HNRNPH1: variants seen among roughly 807,000 people sequenced by gnomAD.
The protein encoded by HNRNPH1 is heterogeneous nuclear ribonucleoprotein H.
A neutral mutation model predicts 58.6 loss-of-function variants in HNRNPH1; 4 were observed. The observed-to-expected ratio is 0.07, with a 90% CI of 0.03 to 0.16. The LOEUF (loss-of-function observed/expected upper bound fraction) is 0.16, where lower values mean the gene tolerates loss of function less well. Ranked by LOEUF, HNRNPH1 falls within the 10% of genes least tolerant of loss-of-function variation. The probability of loss-of-function intolerance (pLI) is 1.00; values close to 1 mark genes in which losing one functional copy is unlikely to be tolerated. For synonymous variants in HNRNPH1, 192 were observed against 189.2 expected, an observed-to-expected ratio of 1.01 and a Z score of -0.12; for missense variants, 271 against 564.2, an observed-to-expected ratio of 0.48 and a Z score of 5.26.
chr5:179,633,290 CTGTT>C (rs71001019), intron 2 of HNRNPH1, among the ~76,000 whole-genome samples: 55,012 of 149,012 alleles, frequency 0.37, 11,203 homozygotes, highest in East Asian at 0.72. Context: ...CACGCCCGGC[CTGTT>C]TGTTTGTTTG....
chr5:179,622,278 T>A (rs1479352385), intron 1 of HNRNPH1, among the ~76,000 whole-genome samples: 1 of 152,210 alleles, frequency 6.6e-6, no homozygotes, highest in Non-Finnish European at 1.5e-5. Context: ...GAATGCTCCT[T>A]TTTAAGAAAA....
chr5:179,633,690 A>C (rs1214933818), intron 2 of HNRNPH1, among the ~76,000 whole-genome samples: 1 of 152,058 alleles, frequency 6.6e-6, no homozygotes, highest in African/African-American at 2.4e-5. Flanking sequence ...CGAGGTGGGC[A>C]GATTGCCTAA....
chr5:179,632,263 C>G (rs1306138532), intron 2 of HNRNPH1, among the ~76,000 whole-genome samples: 8 of 151,704 alleles, frequency 5.3e-5, no homozygotes, highest in East Asian at 1.9e-4. Flanking sequence ...AGCCAAGATC[C>G]CGCCACCGCA....
rs779671967 is a variant in HNRNPH1, at chr5:179,617,976, A to G, written c.787+13T>C. The G allele has an allele frequency of 1.4e-5, 23 of 1,614,018 alleles. No individual in the cohort carries two copies. Among genetic ancestry groups the G allele is most frequent in the East Asian group, 2.2e-5 (1 of 44,904 alleles). ...AAGCATCCTTCAACTGAGAAATTCAATTCTTACCTTACCTCTTCCAAATCT... is the reference window on the plus strand; with the variant it reads ...AAGCATCCTTCAACTGAGAAATTCAGTTCTTACCTTACCTCTTCCAAATCT... On this transcript the variant is annotated intron_variant, in intron 6 of 12. Transcript: ENST00000356731.
At position 179,632,753 on chromosome 5, in the gene HNRNPH1, C is replaced by CTTTTTTTTT. The variant is rs752554745; in HGVS notation, c.-32+1303_-32+1311dup. On this transcript the variant is annotated intron_variant, in intron 2 of 4. Coordinates refer to the HNRNPH1 transcript ENST00000521116. ...CACTGTCTAAAGCCAAATCAAATAT[C>CTTTTTTTTT]TTTTTTTTTTTTTTTTTTTTTGAGA... 1.1e-4 allele frequency among the ~76,000 whole-genome samples: 10 copies of CTTTTTTTTT among 92,006 alleles called. 1 individual carries two copies. The highest frequency in any genetic ancestry group is 9.5e-4 in the South Asian group (2 of 2,102). The allele number at this position is 92,006 out of a possible 152,430, so 60.4% of individuals were successfully genotyped here. A position where few individuals can be genotyped will look rare whatever the true frequency, so the allele number is the denominator to read the frequency against.
chr5:179,621,284 G>A, exon 2 of HNRNPH1: 1 of 1,613,704 alleles, frequency 6.2e-7, no homozygotes. Flanking sequence ...TCTTTTTTCA[G>A]GGCCAATTTG....
intron 2 of HNRNPH1, among the ~76,000 whole-genome samples, chr5:179,633,471 T>C (rs1318348685): frequency 6.9e-6 from 1 of 145,454 alleles, no homozygotes; most frequent in Non-Finnish European, 1.5e-5. Flanking sequence ...ATTTTTTTTT[T>C]TTTTTTTTTT....
Position 179,618,138 on chromosome 5 carries a change from C to A in HNRNPH1, c.715+7G>T. The A allele has an allele frequency of 3.1e-6, 5 of 1,613,602 alleles. No individual in the cohort carries two copies. Among genetic ancestry groups the A allele is most frequent in the Non-Finnish European group, 4.2e-6 (5 of 1,179,744 alleles). ...CGACTTGCCGAACCTTACGAATCCTCACGTACCTCCACCATAAGCACCACG... is the reference window on the plus strand; with the variant it reads ...CGACTTGCCGAACCTTACGAATCCTAACGTACCTCCACCATAAGCACCACG... On this transcript the variant is annotated splice_region_variant and intron_variant, in intron 5 of 12. Transcript: ENST00000356731.
At chr5:179,615,862 T>C in intron 11 of HNRNPH1, 2 of 520,380 alleles carry the variant, frequency 3.8e-6, no homozygotes. Context: ...AAAGCTGCAA[T>C]GACTAGTTCT....
intron 10 of HNRNPH1, 21 bp from the exon 12 acceptor site, chr5:179,616,239 T>C (rs367693687): frequency 1.3e-6 from 2 of 1,590,762 alleles, no homozygotes; most frequent in Non-Finnish European, 1.7e-6. Context: ...AAGAAAACAT[T>C]AGAACCTTTT....
chr5:179,629,163 G>A (rs1189551386), upstream of HNRNPH1: 3 of 151,006 alleles, frequency 2.0e-5, no homozygotes, highest in East Asian at 2.0e-4. Flanking sequence ...CGGGCGTGGT[G>A]GCGGGCGCCT....
rs933313523 is a variant in HNRNPH1 at position 179,618,183 on chromosome 5, G to A, written c.677C>T (p.Ala226Val). 3 of 1,613,962 alleles carry A rather than the reference G, an allele frequency of 1.9e-6. No homozygotes were observed. The highest frequency in any genetic ancestry group is 2.2e-5 in the South Asian group (2 of 91,072). Residue 226 changes from alanine to valine, a missense_variant, in exon 5 of 13, where the codon GCT becomes GTT. Coordinates refer to ENST00000356731, the Ensembl canonical transcript of HNRNPH1. ...ACCACGCCTCATCCTCTCAAAGCCA[G>A]CTCCTCTGCCAATGCTGTTATACCC...
At chr5:179,616,172 C>A in exon 11 of HNRNPH1, 2 of 1,614,146 alleles carry the variant, frequency 1.2e-6, no homozygotes, top group Non-Finnish European at 1.7e-6. Context: ...CTCCGTAACC[C>A]CCACTCAGCT....
chr5:179,614,848 C>G (rs891426571), exon 13 of HNRNPH1: 1 of 1,480,406 alleles, frequency 6.8e-7, no homozygotes, highest in African/African-American at 1.4e-5. Flanking sequence ...CAATTACATT[C>G]CCCATCCACC....
rs1562215420 is a variant in HNRNPH1 at position 179,616,228 on chromosome 5, T to G, written c.1208-10A>C. ...TAGCTGGACTGGTTTGCTGTTAAGT[T>G]AAGAAAACATTAGAACCTTTTTTCT... On this transcript the variant is annotated splice_polypyrimidine_tract_variant and intron_variant, in intron 10 of 12. Coordinates refer to ENST00000356731, the Ensembl canonical transcript of HNRNPH1. The G allele has an allele frequency of 6.2e-7, 1 of 1,607,922 alleles. No individual in the cohort carries two copies. The highest frequency in any genetic ancestry group is 1.1e-5 in the South Asian group (1 of 90,884).
At chr5:179,617,320 G>C in intron 8 of HNRNPH1, 194 bp downstream of exon 9, 1 of 736,472 alleles carries the variant, frequency 1.4e-6, no homozygotes, top group Non-Finnish European at 2.2e-6. Context: ...TACACTTCAA[G>C]ATGTGCATAT....
intron 1 of HNRNPH1, chr5:179,621,882 G>A (rs956704426): frequency 1.5e-5 from 7 of 454,006 alleles, no homozygotes; most frequent in Non-Finnish European, 2.7e-5. Flanking sequence ...AATGCTCCAA[G>A]TTGCACAGCT....
chr5:179,626,238 G>A (rs1205782186), upstream of HNRNPH1, among the ~76,000 whole-genome samples: 1 of 151,926 alleles, frequency 6.6e-6, no homozygotes, highest in Non-Finnish European at 1.5e-5. Context: ...CAAGTAGAGG[G>A]ATTACAGGTG....
exon 1 of HNRNPH1, chr5:179,623,371 G>A (rs1773688676): frequency 5.8e-6 from 2 of 345,866 alleles, no homozygotes; most frequent in Admixed American, 4.5e-5. Context: ...GTGGGGGCCC[G>A]GGCCGAGAGC....
Sources: allele counts gnomAD v4.1 joint callset (sites outside exome capture counted in the v4.1 genomes callset), GRCh38; gene constraint gnomAD v4.1.1; transcripts MANE v1.5; gene names NCBI Gene and HGNC (gene_info 2026-07-23, HGNC 2026-07-21).